CMSS1: variants seen among roughly 807,000 people sequenced by gnomAD.
CMSS1 encodes cms1 ribosomal small subunit homolog, also known as protein CMSS1.
A neutral mutation model predicts 43.5 loss-of-function variants in CMSS1; 33 were observed. That is an observed-to-expected ratio of 0.76 (90% CI 0.57 to 1.01). The LOEUF (loss-of-function observed/expected upper bound fraction) is 1.01. CMSS1 is among the 50% of genes least tolerant of loss of function. The probability of loss-of-function intolerance (pLI) is 0.00; values close to 1 mark genes in which losing one functional copy is unlikely to be tolerated. For synonymous variants in CMSS1, 115 were observed against 117.2 expected (o/e 0.98, Z 0.12); for missense variants, 313 against 326.4 (o/e 0.96, Z 0.32).
intron 1 of CMSS1, among the ~76,000 whole-genome samples, chr3:99,901,931 A>T (rs1706451509): frequency 1.3e-5 from 2 of 152,168 alleles, no homozygotes; most frequent in African/African-American, 4.8e-5. Flanking sequence ...TAGTAGGTAC[A>T]CAAAATATGT....
At chr3:100,081,004 T>C (rs960803092) in intron 1 of CMSS1, among the ~76,000 whole-genome samples, 7 of 152,228 alleles carry the variant, frequency 4.6e-5, no homozygotes, top group South Asian at 4.1e-4. Flanking sequence ...TCATTATTTA[T>C]TCAAGAACTA....
intron 1 of CMSS1, among the ~76,000 whole-genome samples, chr3:100,047,243 C>T (rs1032456730): frequency 1.9e-4 from 29 of 152,068 alleles, no homozygotes; most frequent in African/African-American, 6.0e-4. Flanking sequence ...TTATTTTCTT[C>T]TTTTGAGAAC....
intron 1 of CMSS1, among the ~76,000 whole-genome samples, chr3:100,115,559 C>CTCTCTCTCTCTCTCTG (rs2066554137): frequency 2.5e-5 from 3 of 119,878 alleles, no homozygotes; most frequent in Admixed American, 1.6e-4. Flanking sequence ...CTTTCTCTTT[C>CTCTCTCTCTCTCTCTG]TCTCTCTCTC....
chr3:99,936,404 C>G (rs1225077852), intron 1 of CMSS1, among the ~76,000 whole-genome samples: 2 of 118,350 alleles, frequency 1.7e-5, no homozygotes, highest in East Asian at 5.0e-4. Context: ...GTGACAGCAT[C>G]TCACACTGTC....
At chr3:100,009,206 T>G (rs1335708406) in intron 1 of CMSS1, among the ~76,000 whole-genome samples, 3 of 152,194 alleles carry the variant, frequency 2.0e-5, no homozygotes, top group African/African-American at 7.2e-5. Flanking sequence ...GCCTCCTGTT[T>G]GAAGAAATTC....
chr3:99,896,688 T>C (rs1385076727), intron 1 of CMSS1, among the ~76,000 whole-genome samples: 1 of 152,196 alleles, frequency 6.6e-6, no homozygotes, highest in South Asian at 2.1e-4. Flanking sequence ...AATTCTACAA[T>C]GATAGTGTTG....
Position 99,850,927 on chromosome 3 carries a change from G to A in CMSS1, c.64+32884G>A, listed in dbSNP as rs529875731. 16 of 1,614,126 alleles carry A rather than the reference G, an allele frequency of 9.9e-6. No individual in the cohort carries two copies. Among genetic ancestry groups the A allele is most frequent in the African/African-American group, 2.7e-5 (2 of 75,022 alleles). ...CTGTCTTTGAAGGGTGAGCTGTGCC[G>A]TCAGCCTTTGCTGTTCATCCACCAC... On this transcript the variant is annotated intron_variant, in intron 1 of 9. Transcript: ENST00000421999.
At chr3:100,050,634 C>T (rs1047866886) in intron 1 of CMSS1, among the ~76,000 whole-genome samples, 2 of 152,106 alleles carry the variant, frequency 1.3e-5, no homozygotes, top group African/African-American at 4.8e-5. Flanking sequence ...CAGGTTCAAG[C>T]GATTCTCCTG....
intron 1 of CMSS1, among the ~76,000 whole-genome samples, chr3:100,100,782 T>C (rs1156453432): frequency 6.6e-6 from 1 of 152,160 alleles, no homozygotes; most frequent in African/African-American, 2.4e-5. Context: ...CTCGCAAGGT[T>C]AGTATCGCCT....
intron 1 of CMSS1, among the ~76,000 whole-genome samples, chr3:100,125,241 A>G (rs2066654107): frequency 6.6e-6 from 1 of 152,174 alleles, no homozygotes; most frequent in South Asian, 2.1e-4. Flanking sequence ...ACGGAACATA[A>G]CTCAATTTCT....
intron 1 of CMSS1, among the ~76,000 whole-genome samples, chr3:100,120,779 G>A (rs1390394474): frequency 1.3e-5 from 2 of 151,226 alleles, no homozygotes; most frequent in African/African-American, 2.4e-5. Context: ...GGTGGGGGTG[G>A]GGATGCAACT....
chr3:100,006,116 T>C (rs1474200406), intron 1 of CMSS1, among the ~76,000 whole-genome samples: 3 of 152,164 alleles, frequency 2.0e-5, no homozygotes, highest in Non-Finnish European at 4.4e-5. Context: ...GGGTAAAATT[T>C]GTTGCAGTTA....
At chr3:99,952,066 T>G (rs1708192200) in intron 1 of CMSS1, among the ~76,000 whole-genome samples, 1 of 152,150 alleles carries the variant, frequency 6.6e-6, no homozygotes, top group Admixed American at 6.5e-5. Context: ...ACATGTGACC[T>G]AGGGCCAACT....
At chr3:99,883,862 G>A (rs1371288172) in intron 1 of CMSS1, among the ~76,000 whole-genome samples, 1 of 152,174 alleles carries the variant, frequency 6.6e-6, no homozygotes, top group Non-Finnish European at 1.5e-5. Context: ...TAGGTAATTT[G>A]TCTAAGATCA....
At chr3:99,989,285 T>C (rs948038819) in intron 1 of CMSS1, among the ~76,000 whole-genome samples, 3 of 152,200 alleles carry the variant, frequency 2.0e-5, no homozygotes, top group Non-Finnish European at 4.4e-5. Context: ...TGCTCTGCTT[T>C]CTCAGGGGCT....
At chr3:100,160,370 C>T in intron 2 of CMSS1, 60 bp from the exon 3 acceptor site, 1 of 824,490 alleles carries the variant, frequency 1.2e-6, no homozygotes, top group Non-Finnish European at 2.0e-6. Flanking sequence ...GGGGTTCATG[C>T]CACTAATTGA....
At chr3:99,905,445 G>A (rs1706583604) in intron 1 of CMSS1, among the ~76,000 whole-genome samples, 1 of 152,152 alleles carries the variant, frequency 6.6e-6, no homozygotes, top group South Asian at 2.1e-4. Context: ...CACAGCAATT[G>A]CTGGTCTAGT....
At chr3:99,828,181 A>G (rs943979560) in intron 1 of CMSS1, among the ~76,000 whole-genome samples, 5 of 152,052 alleles carry the variant, frequency 3.3e-5, no homozygotes, top group Admixed American at 6.6e-5. Context: ...AGGGATTCCA[A>G]TGGGTTTTTT....
chr3:99,949,294 A>G (rs1205448332), intron 1 of CMSS1, among the ~76,000 whole-genome samples: 1 of 152,224 alleles, frequency 6.6e-6, no homozygotes, highest in Non-Finnish European at 1.5e-5. Flanking sequence ...ACATATTTGT[A>G]TGATTCAGTT....
Sources: gnomAD v4.1 joint callset for allele counts (sites outside exome capture counted in the v4.1 genomes callset) on GRCh38, gnomAD v4.1.1 for gene constraint, MANE v1.5 for transcripts, NCBI Gene and HGNC (gene_info 2026-07-23, HGNC 2026-07-21) for gene names.